The following NKAIN2 variants were observed in gnomAD, a reference collection of about 807,000 sequenced individuals.
The protein encoded by NKAIN2 is sodium/potassium-transporting ATPase subunit beta-1-interacting protein 2.
A neutral mutation model predicts 32.6 loss-of-function variants in NKAIN2; 14 were observed. The ratio of observed to expected loss-of-function variants is 0.43; its 90% confidence interval spans 0.28 to 0.67. The LOEUF (loss-of-function observed/expected upper bound fraction) is 0.67, where lower values mean the gene tolerates loss of function less well. NKAIN2 is among the 30% of genes least tolerant of loss of function. The probability of loss-of-function intolerance (pLI) is 0.17; values close to 1 mark genes in which losing one functional copy is unlikely to be tolerated. For missense variants in NKAIN2, 198 were observed against 258.3 expected (o/e 0.77, Z 1.60); for synonymous variants, 80 against 87.2 (o/e 0.92, Z 0.46).
chr6:124,254,009 G>A (rs955618350), intron 1 of NKAIN2, among the ~76,000 whole-genome samples: 3 of 150,110 alleles, frequency 2.0e-5, no homozygotes, highest in African/African-American at 7.4e-5. Flanking sequence ...TAGAGACGGG[G>A]TTTCACAATG....
intron 1 of NKAIN2, among the ~76,000 whole-genome samples, chr6:123,989,421 C>G (rs962732506): frequency 4.6e-5 from 7 of 152,118 alleles, no homozygotes; most frequent in Non-Finnish European, 8.8e-5. Context: ...CCATTTCCAT[C>G]TATTTATTTG....
intron 3 of NKAIN2, among the ~76,000 whole-genome samples, chr6:124,399,772 G>A (rs371713413): frequency 3.9e-5 from 6 of 152,140 alleles, no homozygotes; most frequent in African/African-American, 1.2e-4. Flanking sequence ...AATGGTTTCC[G>A]CTTTATAAAA....
At chr6:124,611,705 C>CTG (rs375167397) in intron 3 of NKAIN2, among the ~76,000 whole-genome samples, 6 of 151,822 alleles carry the variant, frequency 4.0e-5, no homozygotes, top group Admixed American at 2.6e-4. Flanking sequence ...ATAGTTGTTA[C>CTG]TGTGTGTGTG....
intron 1 of NKAIN2, among the ~76,000 whole-genome samples, chr6:124,058,270 A>G (rs1322643176): frequency 6.6e-6 from 1 of 151,120 alleles, no homozygotes; most frequent in Non-Finnish European, 1.5e-5. Flanking sequence ...AATGAGAAAA[A>G]GCTTATAGAA....
At chr6:124,255,600 T>C (rs1335644807) in intron 1 of NKAIN2, among the ~76,000 whole-genome samples, 2 of 152,174 alleles carry the variant, frequency 1.3e-5, no homozygotes, top group Non-Finnish European at 2.9e-5. Flanking sequence ...ATTTTGTACA[T>C]TTTTTACAAA....
At chr6:124,317,227 G>A (rs1202711637) in intron 2 of NKAIN2, among the ~76,000 whole-genome samples, 1 of 152,122 alleles carries the variant, frequency 6.6e-6, no homozygotes, top group African/African-American at 2.4e-5. Context: ...AGTTAGCATT[G>A]TTCCAAAGCT....
At chr6:124,560,666 C>A (rs1320698955) in intron 3 of NKAIN2, among the ~76,000 whole-genome samples, 1 of 152,116 alleles carries the variant, frequency 6.6e-6, no homozygotes, top group Non-Finnish European at 1.5e-5. Flanking sequence ...GTGCCTGGCA[C>A]ATAGTAAGCA....
chr6:123,897,319 G>T (rs1774334274), intron 1 of NKAIN2, among the ~76,000 whole-genome samples: 1 of 152,054 alleles, frequency 6.6e-6, no homozygotes, highest in Non-Finnish European at 1.5e-5. Context: ...TAGCAATTTT[G>T]ACATACTTAT....
chr6:124,506,862 C>A (rs189369077), intron 3 of NKAIN2, among the ~76,000 whole-genome samples: 2 of 152,196 alleles, frequency 1.3e-5, no homozygotes, highest in Non-Finnish European at 2.9e-5. Flanking sequence ...CCACCCTCCC[C>A]TCTAGGGAAA....
chr6:124,554,505 A>G (rs1000287821), intron 3 of NKAIN2, among the ~76,000 whole-genome samples: 4 of 152,340 alleles, frequency 2.6e-5, no homozygotes, highest in South Asian at 2.1e-4. Context: ...TGAAAAGAGC[A>G]TTTCTTCCAC....
At chr6:124,593,798 G>A (rs977559) in intron 3 of NKAIN2, among the ~76,000 whole-genome samples, 8,926 of 152,218 alleles carry the variant, frequency 0.059, 380 homozygotes, top group Non-Finnish European at 0.091. Flanking sequence ...ACATATTATG[G>A]AAGTAGATTA....
intron 4 of NKAIN2, among the ~76,000 whole-genome samples, chr6:124,684,188 CAT>C (rs1320973577): frequency 1.3e-5 from 2 of 152,124 alleles, no homozygotes; most frequent in African/African-American, 4.8e-5. Context: ...AAAATAAATA[CAT>C]GTCTGCTCGA....
At chr6:123,870,006 G>T (rs1006799923) in intron 1 of NKAIN2, among the ~76,000 whole-genome samples, 1 of 152,046 alleles carries the variant, frequency 6.6e-6, no homozygotes. Flanking sequence ...ATTATATAAC[G>T]AATAACTAGA....
At chr6:123,835,445 A>G (rs1363033088) in intron 1 of NKAIN2, among the ~76,000 whole-genome samples, 1 of 152,232 alleles carries the variant, frequency 6.6e-6, no homozygotes, top group African/African-American at 2.4e-5. Flanking sequence ...TTCATGCATA[A>G]GTAAAGGTTA....
At chr6:123,890,918 G>A (rs1773979149) in intron 1 of NKAIN2, among the ~76,000 whole-genome samples, 1 of 152,058 alleles carries the variant, frequency 6.6e-6, no homozygotes, top group South Asian at 2.1e-4. Context: ...ACTCACAATA[G>A]CTAAATTTTG....
intron 1 of NKAIN2, among the ~76,000 whole-genome samples, chr6:124,025,745 C>T (rs28588949): frequency 0.027 from 4,075 of 152,094 alleles, 159 homozygotes; most frequent in African/African-American, 0.093. Context: ...GCTTGATGTG[C>T]GAAAAAGTCA....
At position 124,222,783 on chromosome 6, in the gene NKAIN2, G is replaced by A. The variant is rs149292941; in HGVS notation, c.55-60222G>A. On this transcript the variant is annotated intron_variant, in intron 1 of 6. Transcript: ENST00000368417. ...GTGTTGCATGGCGGAGAATCAATGCGTCTCTTGCTGCTAAGTCATGTAGAA... is the reference window on the plus strand; with the variant it reads ...GTGTTGCATGGCGGAGAATCAATGCATCTCTTGCTGCTAAGTCATGTAGAA... Among the ~76,000 whole-genome samples the A allele has an allele frequency of 5.1e-4, 78 of 152,262 alleles. 2 individuals carry two copies. The South Asian group carries it at 0.015, about 28-fold the overall frequency.
At chr6:124,027,068 C>CGGCTTAG (rs1781143452) in intron 1 of NKAIN2, among the ~76,000 whole-genome samples, 1 of 151,936 alleles carries the variant, frequency 6.6e-6, no homozygotes, top group Non-Finnish European at 1.5e-5. Flanking sequence ...GAAGTGCCTA[C>CGGCTTAG]GGCTTAGCAA....
At chr6:124,194,406 C>A (rs1005640125) in intron 1 of NKAIN2, among the ~76,000 whole-genome samples, 44 of 151,920 alleles carry the variant, frequency 2.9e-4, no homozygotes, top group Non-Finnish European at 1.6e-4. Context: ...GAGCATCTTT[C>A]ATTGACGGCA....
Sources: gnomAD v4.1 joint callset for allele counts (sites outside exome capture counted in the v4.1 genomes callset) on GRCh38, gnomAD v4.1.1 for gene constraint, MANE v1.5 for transcripts, NCBI Gene and HGNC (gene_info 2026-07-23, HGNC 2026-07-21) for gene names.